DLGAP2: variants seen among roughly 807,000 people sequenced by gnomAD.
The protein encoded by DLGAP2 is DLG associated protein 2.
A neutral mutation model predicts 100.3 loss-of-function variants in DLGAP2; 26 were observed. The ratio of observed to expected loss-of-function variants is 0.26; its 90% CI spans 0.19 to 0.36. The LOEUF is 0.36. DLGAP2 is among the 10% of genes least tolerant of loss of function. The probability of loss-of-function intolerance (pLI) is 1.00; values close to 1 mark genes in which losing one functional copy is unlikely to be tolerated. For missense variants in DLGAP2, 1,858 were observed against 1,453.2 expected, an observed-to-expected ratio of 1.28 and a Z score of -4.53; for synonymous variants, 886 against 630.1, an observed-to-expected ratio of 1.41 and a Z score of -6.08.
intron 2 of DLGAP2, chr8:927,310 A>G (rs1798837672): frequency 1.2e-6 from 1 of 866,730 alleles, no homozygotes; most frequent in Non-Finnish European, 1.4e-6. Flanking sequence ...CTGTTTTCTT[A>G]CTTGAACATG....
At chr8:857,182 C>T (rs180920964) in intron 1 of DLGAP2, among the ~76,000 whole-genome samples, 3 of 152,254 alleles carry the variant, frequency 2.0e-5, no homozygotes, top group Non-Finnish European at 2.9e-5. Flanking sequence ...CAAAATGAAC[C>T]CAGAACCAGA....
intron 14 of DLGAP2, among the ~76,000 whole-genome samples, 191 bp downstream of exon 14, chr8:1,697,490 T>C (rs1289473062): frequency 1.3e-5 from 2 of 152,204 alleles, no homozygotes; most frequent in Non-Finnish European, 2.9e-5. Context: ...GTGCCGAAAA[T>C]GGGGCAGAAT....
chr8:1,298,980 T>G (rs1301597778), intron 3 of DLGAP2, among the ~76,000 whole-genome samples: 1 of 152,076 alleles, frequency 6.6e-6, no homozygotes, highest in African/African-American at 2.4e-5. Context: ...TGGCTCGTGC[T>G]GAATGACCCA....
chr8:1,143,004 T>C (rs538010307), intron 2 of DLGAP2, among the ~76,000 whole-genome samples: 10 of 152,254 alleles, frequency 6.6e-5, no homozygotes, highest in East Asian at 3.9e-4. Context: ...TTTCCTGAGA[T>C]TGGATTTATA....
chr8:1,608,482 C>T (rs1325554212), intron 6 of DLGAP2, among the ~76,000 whole-genome samples: 11 of 54,330 alleles, frequency 2.0e-4, no homozygotes, highest in Non-Finnish European at 3.1e-4. Flanking sequence ...ACGCAGAGCG[C>T]CTCTCCTCCT....
At chr8:1,032,158 G>A (rs762979724) in intron 2 of DLGAP2, among the ~76,000 whole-genome samples, 2 of 152,250 alleles carry the variant, frequency 1.3e-5, no homozygotes, top group African/African-American at 4.8e-5. Flanking sequence ...CCAGGACGGC[G>A]CAAGTTAGCG....
At chr8:1,179,910 C>A (rs1411070104) in intron 2 of DLGAP2, among the ~76,000 whole-genome samples, 1 of 152,056 alleles carries the variant, frequency 6.6e-6, no homozygotes, top group Admixed American at 6.6e-5. Flanking sequence ...AACAAAATAA[C>A]GAGTAGATGG....
chr8:1,379,436 C>G (rs1022647039), intron 3 of DLGAP2, among the ~76,000 whole-genome samples: 1 of 152,252 alleles, frequency 6.6e-6, no homozygotes, highest in Non-Finnish European at 1.5e-5. Flanking sequence ...TACCTCAGAC[C>G]AAGGCAGCCT....
intron 3 of DLGAP2, among the ~76,000 whole-genome samples, chr8:1,295,657 T>C (rs1800154511): frequency 6.6e-6 from 1 of 152,164 alleles, no homozygotes; most frequent in Non-Finnish European, 1.5e-5. Flanking sequence ...AAGTGTTTCG[T>C]AAAAGCCAAT....
chr8:1,485,791 G>A (rs1038390906), intron 3 of DLGAP2, among the ~76,000 whole-genome samples: 3 of 152,304 alleles, frequency 2.0e-5, no homozygotes, highest in African/African-American at 7.2e-5. Context: ...TTGGGAGGCT[G>A]AGGCAGATGG....
chr8:1,069,582 T>C (rs1187726756), intron 2 of DLGAP2, among the ~76,000 whole-genome samples: 1 of 152,136 alleles, frequency 6.6e-6, no homozygotes, highest in African/African-American at 2.4e-5. Context: ...CCCTTCACCG[T>C]GGAAATTATC....
intron 8 of DLGAP2, among the ~76,000 whole-genome samples, chr8:1,641,972 CG>C (rs1563275433): frequency 5.2e-5 from 4 of 76,858 alleles, no homozygotes; most frequent in African/African-American, 3.3e-4. Context: ...CCCTCGACCC[CG>C]CCGGTCCCCA....
At chr8:920,372 G>C (rs1798682916) in intron 2 of DLGAP2, among the ~76,000 whole-genome samples, 1 of 152,254 alleles carries the variant, frequency 6.6e-6, no homozygotes, top group Admixed American at 6.5e-5. Context: ...CACATTCCCA[G>C]GTTCAAGGAC....
At chr8:1,520,951 C>T (rs1800574792) in intron 4 of DLGAP2, among the ~76,000 whole-genome samples, 1 of 152,336 alleles carries the variant, frequency 6.6e-6, no homozygotes, top group East Asian at 1.9e-4. Flanking sequence ...AAAGTGGCTG[C>T]ACCGCTTTGC....
chr8:793,573 C>T (rs1795965097), intron 1 of DLGAP2, among the ~76,000 whole-genome samples: 2 of 152,136 alleles, frequency 1.3e-5, no homozygotes. Context: ...TCTATTATTT[C>T]TTTCTTTTAC....
At chr8:1,322,772 T>G (rs1466811337) in intron 3 of DLGAP2, among the ~76,000 whole-genome samples, 2 of 152,316 alleles carry the variant, frequency 1.3e-5, no homozygotes, top group African/African-American at 4.8e-5. Context: ...GATCGGCTCC[T>G]CCCCCCTGCA....
At chr8:1,352,714 A>G (rs1458654328) in intron 3 of DLGAP2, among the ~76,000 whole-genome samples, 1 of 151,956 alleles carries the variant, frequency 6.6e-6, no homozygotes, top group Non-Finnish European at 1.5e-5. Flanking sequence ...CTCTGCCCTG[A>G]GTTTTACAGC....
At chr8:888,274 A>G (rs371860343) in intron 1 of DLGAP2, among the ~76,000 whole-genome samples, 1 of 152,148 alleles carries the variant, frequency 6.6e-6, no homozygotes, top group African/African-American at 2.4e-5. Context: ...CTAGTTAGCA[A>G]TTCCTCTAAC....
intron 2 of DLGAP2, among the ~76,000 whole-genome samples, chr8:1,115,293 C>T (rs1030490132): frequency 5.9e-5 from 9 of 152,152 alleles, no homozygotes; most frequent in African/African-American, 1.2e-4. Context: ...GGAATGTTGA[C>T]GTCTTCCACT....
Sources: allele counts gnomAD v4.1 joint callset (sites outside exome capture counted in the v4.1 genomes callset), GRCh38; gene constraint gnomAD v4.1.1; transcripts MANE v1.5; gene names NCBI Gene and HGNC (gene_info 2026-07-23, HGNC 2026-07-21).